The following DOK6 variants were observed in gnomAD, a reference collection of about 807,000 sequenced individuals.
DOK6 encodes downstream of tyrosine kinase 6.
In DOK6, 22 loss-of-function variants were observed where a neutral mutation model predicts 44.0. The ratio of observed to expected loss-of-function variants is 0.50; its 90% confidence interval spans 0.36 to 0.71. The LOEUF is 0.71. DOK6 is among the 30% of genes least tolerant of loss of function. The probability of loss-of-function intolerance (pLI) is 0.00; values close to 1 mark genes in which losing one functional copy is unlikely to be tolerated. For synonymous variants in DOK6, 166 were observed against 145.5 expected, an observed-to-expected ratio of 1.14 and a Z score of -1.01; for missense variants, 340 against 416.4, an observed-to-expected ratio of 0.82 and a Z score of 1.60.
chr18:69,418,909 T>C (rs982585303), intron 1 of DOK6, among the ~76,000 whole-genome samples: 2 of 152,174 alleles, frequency 1.3e-5, no homozygotes, highest in Non-Finnish European at 2.9e-5. Flanking sequence ...TAAGTACATG[T>C]ATTTCAATTA....
chr18:69,743,676 AT>A lies in DOK6; in HGVS notation c.738+4583del, dbSNP rs908263509. ...GAAGACAAGAATGAGAAAAAAAAAGATTTTTTTTTTCTGCTATATCCAAAAT... is the reference window on the plus strand; with the variant it reads ...GAAGACAAGAATGAGAAAAAAAAAGATTTTTTTTTCTGCTATATCCAAAAT... On this transcript the variant is annotated intron_variant, in intron 6 of 7. Transcript: ENST00000382713. Among the ~76,000 whole-genome samples the A allele has an allele frequency of 2.2e-3, 332 of 149,474 alleles. 1 individual carries two copies. Among genetic ancestry groups the A allele is most frequent in the African/African-American group, 7.6e-3 (303 of 39,716 alleles).
chr18:69,455,634 G>GT (rs1435271787), intron 1 of DOK6, among the ~76,000 whole-genome samples: 2 of 152,122 alleles, frequency 1.3e-5, no homozygotes, highest in Non-Finnish European at 2.9e-5. Flanking sequence ...GTATCAGTTT[G>GT]TTTTTACATA....
chr18:69,433,319 A>G (rs1186833756), intron 1 of DOK6, among the ~76,000 whole-genome samples: 1 of 152,190 alleles, frequency 6.6e-6, no homozygotes, highest in African/African-American at 2.4e-5. Flanking sequence ...AACCAATGTA[A>G]TATGTTAAAA....
At chr18:69,411,222 T>A (rs1978304631) in intron 1 of DOK6, among the ~76,000 whole-genome samples, 1 of 152,132 alleles carries the variant, frequency 6.6e-6, no homozygotes, top group South Asian at 2.1e-4. Flanking sequence ...TGTGTCTAGA[T>A]GAGATGAGTG....
At chr18:69,583,102 T>A (rs1043765349) in intron 2 of DOK6, among the ~76,000 whole-genome samples, 1 of 152,236 alleles carries the variant, frequency 6.6e-6, no homozygotes, top group African/African-American at 2.4e-5. Context: ...GTTAAATATA[T>A]GTAGATAACT....
At chr18:69,509,363 C>G (rs181781838) in intron 1 of DOK6, among the ~76,000 whole-genome samples, 93 of 152,152 alleles carry the variant, frequency 6.1e-4, no homozygotes, top group Non-Finnish European at 1.1e-3. Flanking sequence ...TATGGCCGGG[C>G]GCGGTGGTTC....
chr18:69,513,983 G>A (rs1981446900), intron 1 of DOK6, among the ~76,000 whole-genome samples: 1 of 151,846 alleles, frequency 6.6e-6, no homozygotes, highest in African/African-American at 2.4e-5. Context: ...TTTTATTTTA[G>A]CTTCTTGTCA....
At chr18:69,460,020 T>C (rs1356813304) in intron 1 of DOK6, among the ~76,000 whole-genome samples, 3 of 152,214 alleles carry the variant, frequency 2.0e-5, no homozygotes, top group Non-Finnish European at 4.4e-5. Flanking sequence ...GTTTTAATAC[T>C]TAAATTGTTC....
intron 5 of DOK6, among the ~76,000 whole-genome samples, chr18:69,704,730 C>T (rs1181617057): frequency 1.3e-5 from 2 of 152,148 alleles, no homozygotes; most frequent in Non-Finnish European, 2.9e-5. Flanking sequence ...CCACTTGCCT[C>T]GGCCTCCCAA....
intron 3 of DOK6, among the ~76,000 whole-genome samples, chr18:69,609,063 T>G (rs1488558963): frequency 6.6e-6 from 1 of 152,072 alleles, no homozygotes; most frequent in Non-Finnish European, 1.5e-5. Flanking sequence ...GAAGAAAACT[T>G]AGGGGAAAAC....
intron 1 of DOK6, among the ~76,000 whole-genome samples, chr18:69,510,487 T>C (rs939072562): frequency 6.6e-6 from 1 of 152,064 alleles, no homozygotes; most frequent in African/African-American, 2.4e-5. Context: ...ATGAGATGAA[T>C]TGGAGTTTTG....
At chr18:69,403,471 T>G (rs572065048) in intron 1 of DOK6, among the ~76,000 whole-genome samples, 1 of 152,338 alleles carries the variant, frequency 6.6e-6, no homozygotes, top group East Asian at 1.9e-4. Flanking sequence ...GTTCACTGTT[T>G]AGAGCTTTGC....
At chr18:69,819,032 C>T (rs143421848) in intron 7 of DOK6, among the ~76,000 whole-genome samples, 99 of 152,282 alleles carry the variant, frequency 6.5e-4, no homozygotes, top group African/African-American at 2.2e-3. Flanking sequence ...GCTGTTTTTA[C>T]TGTTATTATT....
At chr18:69,576,845 T>C (rs1049154624) in intron 2 of DOK6, among the ~76,000 whole-genome samples, 1 of 152,192 alleles carries the variant, frequency 6.6e-6, no homozygotes, top group Non-Finnish European at 1.5e-5. Flanking sequence ...TAAATTTTCC[T>C]TAATTTTCTA....
chr18:69,776,147 A>G (rs1348979595), intron 7 of DOK6, among the ~76,000 whole-genome samples: 1 of 152,046 alleles, frequency 6.6e-6, no homozygotes, highest in Non-Finnish European at 1.5e-5. Context: ...GACTGCATGA[A>G]AAAAGTTTCT....
intron 1 of DOK6, among the ~76,000 whole-genome samples, chr18:69,474,051 G>C (rs1286545714): frequency 6.6e-6 from 1 of 152,128 alleles, no homozygotes; most frequent in Non-Finnish European, 1.5e-5. Flanking sequence ...ATGGAAAGAG[G>C]CTTCATTAAA....
At chr18:69,721,985 G>A (rs1978289303) in intron 5 of DOK6, among the ~76,000 whole-genome samples, 1 of 152,148 alleles carries the variant, frequency 6.6e-6, no homozygotes, top group Non-Finnish European at 1.5e-5. Context: ...AGACTGCAAA[G>A]TGTCACTTCC....
intron 1 of DOK6, among the ~76,000 whole-genome samples, chr18:69,551,543 A>G (rs537437108): frequency 6.6e-6 from 1 of 152,222 alleles, no homozygotes; most frequent in Non-Finnish European, 1.5e-5. Context: ...AACAATAATT[A>G]GAAAAAGAAT....
intron 6 of DOK6, among the ~76,000 whole-genome samples, chr18:69,750,112 T>G (rs1240885829): frequency 6.7e-6 from 1 of 149,908 alleles, no homozygotes; most frequent in Non-Finnish European, 1.5e-5. Context: ...GCTCAATAAT[T>G]TCTACTAGAA....
Sources: allele counts gnomAD v4.1 joint callset (sites outside exome capture counted in the v4.1 genomes callset), GRCh38; gene constraint gnomAD v4.1.1; transcripts MANE v1.5; gene names NCBI Gene and HGNC (gene_info 2026-07-23, HGNC 2026-07-21).